The following FNTB variants were observed in gnomAD, a reference collection of about 807,000 sequenced individuals.
The protein encoded by FNTB is protein farnesyltransferase subunit beta.
Under a neutral mutation model 59.4 loss-of-function variants are expected in FNTB, and 27 were observed. The observed-to-expected ratio is 0.45, with a 90% CI of 0.34 to 0.63. The LOEUF (loss-of-function observed/expected upper bound fraction) is 0.63, where lower values mean the gene tolerates loss of function less well. Among genes scored for constraint, FNTB ranks in the 20% least tolerant of loss-of-function variants. The pLI, the probability that FNTB is intolerant of heterozygous loss-of-function variation, is 0.02. For synonymous variants in FNTB, 230 were observed against 220.7 expected, an observed-to-expected ratio of 1.04 and a Z score of -0.37; for missense variants, 449 against 559.6, an observed-to-expected ratio of 0.80 and a Z score of 1.99.
rs1888462937 is a variant in FNTB, at chr14:64,997,941, C to T, written c.145-6308C>T. On this transcript the variant is annotated intron_variant, in intron 1 of 11. Transcript: ENST00000246166. This position sits in a 1 kb window ranked among gnomAD's most constrained non-coding sequence, Gnocchi z 4.5. ...CTGCTGTTTCTCAAAATAATCAGCT[C>T]AAAGTAATCCTTATGCCAAAGAAGC... 6.6e-6 allele frequency among the ~76,000 whole-genome samples: 1 copy of T among 152,156 alleles called. No individual in the cohort carries two copies. The highest frequency in any genetic ancestry group is 1.5e-5 in the Non-Finnish European group (1 of 68,020).
rs2062031336 is a variant in FNTB at position 65,028,948 on chromosome 14, C to A, written c.605+1167C>A. On this transcript the variant is annotated intron_variant, in intron 6 of 11. Transcript: ENST00000246166. The surrounding 1 kb of genome is among the most constrained non-coding windows in gnomAD (Gnocchi z 4.4). Reference sequence around the variant, plus strand: ...AAAAGCAAACAAATCATAGCAAGATCCTTTTGGTATTTTATCATATACCTT... The same window carrying A: ...AAAAGCAAACAAATCATAGCAAGATACTTTTGGTATTTTATCATATACCTT... 6.6e-6 allele frequency among the ~76,000 whole-genome samples: 1 copy of A among 152,132 alleles called. No homozygotes were observed. The highest frequency in any genetic ancestry group is 1.5e-5 in the Non-Finnish European group (1 of 68,034).
At chr14:65,015,595 G>A in intron 3 of FNTB, 30 bp from the exon 4 acceptor site, 1 of 1,611,698 alleles carries the variant, frequency 6.2e-7, no homozygotes, top group Non-Finnish European at 8.5e-7. Flanking sequence ...TTGTGAATAA[G>A]GGATGTTTTC....
rs1207485020 is a variant in FNTB at position 65,031,087 on chromosome 14, C to A, written c.606-1523C>A. Among the ~76,000 whole-genome samples, 1 of 152,034 alleles carries A rather than the reference C, an allele frequency of 6.6e-6. No individual in the cohort carries two copies. Among genetic ancestry groups the A allele is most frequent in the Non-Finnish European group, 1.5e-5 (1 of 68,000 alleles). ...CCTCCCAAAGTGCTGGGATTACAGG[C>A]ATGAGCTACCATGCCTGGCCAGGAG... On this transcript the variant is annotated intron_variant, in intron 6 of 11. Transcript: ENST00000246166. This position sits in a 1 kb window ranked among gnomAD's most constrained non-coding sequence, Gnocchi z 4.6.
chr14:65,015,410 CTTTTTTTTTTT>C (rs888923691), intron 3 of FNTB: 3 of 155,764 alleles, frequency 1.9e-5, no homozygotes, highest in East Asian at 1.3e-4. Flanking sequence ...GCCTTGTTAT[CTTTTTTTTTTT>C]TTTTTTTTTT....
chr14:65,055,791 A>T (rs1295414834), intron 11 of FNTB, among the ~76,000 whole-genome samples: 2 of 152,184 alleles, frequency 1.3e-5, no homozygotes, highest in Non-Finnish European at 2.9e-5. Context: ...TGCCAGGATT[A>T]CATGTGTGAG....
chr14:65,000,617 G>A (rs1455761350), intron 1 of FNTB, among the ~76,000 whole-genome samples: 1 of 151,818 alleles, frequency 6.6e-6, no homozygotes, highest in Non-Finnish European at 1.5e-5. Flanking sequence ...TCAGGAGATC[G>A]AGACCATCCT....
At chr14:65,004,215 G>A (rs368879213) in intron 1 of FNTB, 34 bp from the exon 2 acceptor site, 111 of 1,605,616 alleles carry the variant, frequency 6.9e-5, no homozygotes, top group Non-Finnish European at 9.3e-5. Context: ...ATCTGTATTT[G>A]TTTTCTCTCT....
At chr14:65,057,917 C>CCTAT (rs2062775526) in intron 11 of FNTB, among the ~76,000 whole-genome samples, 2 of 152,156 alleles carry the variant, frequency 1.3e-5, no homozygotes, top group South Asian at 2.1e-4. Context: ...GGTCTGTTTG[C>CCTAT]CTATCTGCAC....
chr14:65,003,461 T>A (rs2061540984), intron 1 of FNTB: 1 of 152,114 alleles, frequency 6.6e-6, no homozygotes, highest in African/African-American at 2.4e-5. Flanking sequence ...AATTTCTGGG[T>A]TGGAACCACT....
intron 2 of FNTB, among the ~76,000 whole-genome samples, chr14:65,010,368 G>T (rs2061664256): frequency 6.6e-6 from 1 of 152,202 alleles, no homozygotes; most frequent in Non-Finnish European, 1.5e-5. Flanking sequence ...TAGTCTGTGT[G>T]TGTAACCTGA....
chr14:65,025,054 G>A (rs2061955054), intron 4 of FNTB, among the ~76,000 whole-genome samples: 1 of 152,178 alleles, frequency 6.6e-6, no homozygotes, highest in African/African-American at 2.4e-5. Context: ...GGTGCAAGTT[G>A]GAAAGCCTTG....
rs1243653712 is a variant in FNTB at position 65,027,955 on chromosome 14, C to G, written c.605+174C>G. On this transcript the variant is annotated intron_variant, in intron 6 of 11. Coordinates refer to ENST00000246166, the MANE Select transcript of FNTB (RefSeq NM_002028.4). The surrounding 1 kb of genome is among the most constrained non-coding windows in gnomAD (Gnocchi z 5.7). ...CATTCAGATGTGATGCAGATGTCCT[C>G]AGGTGTCATGATCACTTGACTTATT... 6.6e-6 allele frequency among the ~76,000 whole-genome samples: 1 copy of G among 152,186 alleles called. No homozygotes were observed. Among genetic ancestry groups the G allele is most frequent in the Admixed American group, 6.5e-5 (1 of 15,272 alleles).
In FNTB at chr14:64,987,067, C is replaced by T. The variant is rs768162893; in HGVS notation, c.114C>T (p.Asp38=). ...ACGCGCGAGAGCGGTTGCAGGACGA[C>T]TCGGTGGAAACAGTCACGTCCATAG... ...PEHARERLQD[D]SVETVTSIEQ... The change falls in exon 1 of 12, where the codon GAC becomes GAT. Residue 38 remains aspartate (D), a synonymous_variant. Coordinates refer to ENST00000246166, the MANE Select transcript of FNTB (RefSeq NM_002028.4). 3.1e-6 allele frequency: 5 copies of T among 1,614,238 alleles called. No individual in the cohort carries two copies. Among genetic ancestry groups the T allele is most frequent in the South Asian group, 1.1e-5 (1 of 91,092 alleles).
chr14:65,015,719 G>A lies in FNTB; in HGVS notation c.374+3G>A, dbSNP rs1356565565. On this transcript the variant is annotated splice_donor_region_variant and intron_variant, in intron 4 of 11. Coordinates refer to ENST00000246166, the MANE Select transcript of FNTB (RefSeq NM_002028.4). ...ATCCCCCAGATAGTGGCTACAGAGT[G>A]AGTCTGTCTTTGGGAAATCTGGGGT... 6.2e-7 allele frequency: 1 copy of A among 1,613,598 alleles called. No homozygotes were observed. Among genetic ancestry groups the A allele is most frequent in the Admixed American group, 1.7e-5 (1 of 59,934 alleles).
In FNTB at chr14:65,027,663, C is replaced by G; in HGVS notation, c.522-35C>G. 6.2e-7 allele frequency: 1 copy of G among 1,614,136 alleles called. No homozygotes were observed. The highest frequency in any genetic ancestry group is 8.5e-7 in the Non-Finnish European group (1 of 1,179,996). On this transcript the variant is annotated intron_variant, in intron 5 of 11. Coordinates refer to ENST00000246166, the MANE Select transcript of FNTB (RefSeq NM_002028.4). The surrounding 1 kb of genome is among the most constrained non-coding windows in gnomAD (Gnocchi z 5.7). ...TTCCCCGCCTGCTGACACGCACTGACTGTTGCCTCTCCTACCTCTTTCCCT... is the reference window on the plus strand; with the variant it reads ...TTCCCCGCCTGCTGACACGCACTGAGTGTTGCCTCTCCTACCTCTTTCCCT...
At chr14:65,015,082 C>G (rs956851514) in intron 3 of FNTB, among the ~76,000 whole-genome samples, 3 of 150,994 alleles carry the variant, frequency 2.0e-5, no homozygotes, top group Non-Finnish European at 4.4e-5. Context: ...TTTTTTTAAT[C>G]CTGTTGTCTT....
chr14:65,007,974 A>G lies in FNTB; in HGVS notation c.209+3661A>G. ...AGAATACTCTGAGTTAAAGTCCTCA[A>G]AGCAGGTCTCTCACAGGCACCAGCT... is the stretch of plus-strand genomic sequence containing the variant. On this transcript the variant is annotated intron_variant, in intron 2 of 11. Transcript: ENST00000246166. The surrounding 1 kb of genome is among the most constrained non-coding windows in gnomAD (Gnocchi z 4.9). 6.6e-6 allele frequency among the ~76,000 whole-genome samples: 1 copy of G among 152,170 alleles called. No individual in the cohort carries two copies. The highest frequency in any genetic ancestry group is 2.1e-4 in the South Asian group (1 of 4,832).
chr14:65,019,991 A>C (rs2061855816), intron 4 of FNTB, among the ~76,000 whole-genome samples: 1 of 152,224 alleles, frequency 6.6e-6, no homozygotes, highest in Non-Finnish European at 1.5e-5. Context: ...AAATATATTA[A>C]GGTGACCTAG....
At chr14:65,004,646 GTTTTTCTTTTTCTTTC>G (rs1325778829) in intron 2 of FNTB, among the ~76,000 whole-genome samples, 2 of 151,886 alleles carry the variant, frequency 1.3e-5, no homozygotes, top group Non-Finnish European at 2.9e-5. Context: ...GAACTCTCAG[GTTTTTCTTTTTCTTTC>G]TTTTTCTTTT....
Sources: gnomAD v4.1 joint callset for allele counts (sites outside exome capture counted in the v4.1 genomes callset) on GRCh38, gnomAD v4.1.1 for gene constraint, Gnocchi (gnomAD v3.1) non-coding constraint, MANE v1.5 for transcripts, NCBI Gene and HGNC (gene_info 2026-07-23, HGNC 2026-07-21) for gene names.